Variants in DEPDC4 observed in about 807,000 individuals in gnomAD.
DEPDC4 encodes the protein DEP domain containing 4.
DEPDC4 carries 52 observed loss-of-function variants against 52.0 expected under a neutral mutation model. The observed-to-expected ratio is 1.00, with a 90% CI of 0.80 to 1.26. The LOEUF is 1.26. Among genes scored for constraint, DEPDC4 ranks in the 50% most tolerant of loss-of-function variants. The pLI is 0.00. For synonymous variants in DEPDC4, 201 were observed against 196.8 expected, an observed-to-expected ratio of 1.02 and a Z score of -0.18; for missense variants, 530 against 546.9, an observed-to-expected ratio of 0.97 and a Z score of 0.31.
downstream of DEPDC4, among the ~76,000 whole-genome samples, chr12:100,236,805 A>T (rs1009164357): frequency 2.0e-5 from 3 of 152,164 alleles, no homozygotes; most frequent in Middle Eastern, 3.2e-3. Flanking sequence ...TAGAATTTTC[A>T]AAGTTTCAGT....
the DEPDC4 span, among the ~76,000 whole-genome samples, chr12:100,276,275 A>G: frequency 6.6e-6 from 1 of 152,054 alleles, no homozygotes; most frequent in Admixed American, 6.5e-5. Flanking sequence ...TAGAATTAGA[A>G]TCTGTAGAAT....
chr12:100,261,531 G>C (rs1302740340), intron 3 of DEPDC4, among the ~76,000 whole-genome samples: 1 of 152,206 alleles, frequency 6.6e-6, no homozygotes, highest in African/African-American at 2.4e-5. Context: ...AAGGGAAAGA[G>C]TAGGAAGATG....
chr12:100,249,038 A>T, intron 7 of DEPDC4, 60 bp from the exon 8 acceptor site: 2 of 681,006 alleles, frequency 2.9e-6, no homozygotes, highest in Non-Finnish European at 3.6e-6. Context: ...CAGCATTTCA[A>T]CATAGAAAGA....
chr12:100,271,281 A>G (rs12230776), upstream of DEPDC4, among the ~76,000 whole-genome samples: 12,450 of 127,716 alleles, frequency 0.097, 1,091 homozygotes, highest in East Asian at 0.51. Flanking sequence ...AAAAAAAAAA[A>G]AGAGAGAGAG....
In DEPDC4 at chr12:100,267,052, G is replaced by A. The variant is rs1422980495; in HGVS notation, c.25C>T (p.Arg9Cys). The change falls in exon 1 of 10, where the codon CGC becomes TGC. Residue 9 changes from arginine to cysteine, a missense_variant. Physicochemically the swap from Arg to Cys is radical, Grantham distance 180. Transcript: ENST00000550587. The part of the protein sequence containing the change: MVPGEEPA[R>C]ELMAVLLTPR... ...GTCAAAAGAACCGCCATAAGCTCGC[G>A]CGCTGGCTCCTCCCCTGGCACCATA... 1.9e-6 allele frequency: 3 copies of A among 1,613,744 alleles called. No individual in the cohort carries two copies. Among genetic ancestry groups the A allele is most frequent in the Admixed American group, 3.3e-5 (2 of 59,930 alleles).
chr12:100,267,586 C>T (rs932725466), upstream of DEPDC4: 1 of 152,612 alleles, frequency 6.6e-6, no homozygotes, highest in African/African-American at 2.4e-5. Context: ...GGTCGGCGCC[C>T]GCGCAAAGCG....
At position 100,244,093 on chromosome 12, in the gene DEPDC4, G is replaced by GTATATATATATATATATA. The variant is rs775573664; in HGVS notation, c.1454-1525_1454-1524insTATATATATATATATATA. Among the ~76,000 whole-genome samples, 24 of 89,326 alleles carry GTATATATATATATATATA rather than the reference G, an allele frequency of 2.7e-4. 4 individuals are homozygous for GTATATATATATATATATA. The highest frequency in any genetic ancestry group is 9.8e-4 in the East Asian group (2 of 2,040). 58.6% of individuals were successfully genotyped at this position (89,326 alleles called of 152,430 possible). A position where few individuals can be genotyped will look rare whatever the true frequency, so the allele number is the denominator to read the frequency against. On this transcript the variant is annotated intron_variant, in intron 8 of 9. Coordinates refer to ENST00000550587, the MANE Select transcript of DEPDC4 (RefSeq NM_001364818.2). ...TCCCTCTCTCTCTCTCTCTCTCTCT[G>GTATATATATATATATATA]TGTATATATATATATATATATATAT...
At chr12:100,237,701 C>A (rs911907730), downstream of DEPDC4, 2 of 151,962 alleles carry the variant, frequency 1.3e-5, no homozygotes, top group African/African-American at 4.8e-5. Flanking sequence ...TATTATCTGG[C>A]CCAATCTTAA....
At position 100,256,884 on chromosome 12, in the gene DEPDC4, G is replaced by A. The variant is rs556883586; in HGVS notation, c.701-658C>T. On this transcript the variant is annotated intron_variant, in intron 3 of 9. Transcript: ENST00000550587. ...TCTCGATCTCCTGACCTAGTGATCC[G>A]CCCGCCTCGGCCTCCCAAAGTGCTG... 8.6e-5 allele frequency among the ~76,000 whole-genome samples: 13 copies of A among 151,822 alleles called. No homozygotes were observed. The East Asian group carries it at 1.6e-3, about 18-fold the overall frequency.
intron 3 of DEPDC4, 82 bp from the exon 4 acceptor site, chr12:100,256,308 C>A: frequency 2.0e-6 from 2 of 1,025,554 alleles, no homozygotes; most frequent in Non-Finnish European, 2.8e-6. Flanking sequence ...CGTTCTATTT[C>A]TAAATAATAC....
intron 7 of DEPDC4, among the ~76,000 whole-genome samples, chr12:100,251,716 C>T (rs931144801): frequency 7.2e-5 from 11 of 151,996 alleles, no homozygotes; most frequent in South Asian, 2.1e-4. Context: ...TACAGGCACG[C>T]GCCACCACAC....
intron 3 of DEPDC4, 139 bp downstream of exon 3, chr12:100,262,125 G>T: frequency 1.3e-6 from 1 of 742,770 alleles, no homozygotes; most frequent in Non-Finnish European, 2.1e-6. Flanking sequence ...AAGGTTGTGT[G>T]TGAGTGGAAG....
chr12:100,248,578 TGA>T (rs935231557), intron 8 of DEPDC4, among the ~76,000 whole-genome samples: 2 of 151,784 alleles, frequency 1.3e-5, no homozygotes, highest in African/African-American at 2.4e-5. Context: ...AAAAAGAATC[TGA>T]GAGAGTCAGA....
At chr12:100,235,703 T>G (rs777025230), downstream of DEPDC4, among the ~76,000 whole-genome samples, 2 of 152,134 alleles carry the variant, frequency 1.3e-5, no homozygotes, top group Admixed American at 1.3e-4. Flanking sequence ...GCCTCCCAAG[T>G]AGCTGGGATT....
In DEPDC4 at chr12:100,240,864, C is replaced by A. The variant is rs2096155845; in HGVS notation, c.*1028G>T. On this transcript the variant is annotated 3_prime_UTR_variant, in exon 10 of 10. Transcript: ENST00000550587. Reference sequence around the variant, plus strand: ...GGTCAGGAGTTCAAGACTAGCCTGGCCAACATGGCGAAACACTGTCTCTAC... The same window carrying A: ...GGTCAGGAGTTCAAGACTAGCCTGGACAACATGGCGAAACACTGTCTCTAC... 6.6e-6 allele frequency among the ~76,000 whole-genome samples: 1 copy of A among 152,094 alleles called. No homozygotes were observed. The highest frequency in any genetic ancestry group is 2.1e-4 in the South Asian group (1 of 4,828).
At chr12:100,250,855 T>C (rs1424290020) in intron 7 of DEPDC4, among the ~76,000 whole-genome samples, 1 of 152,154 alleles carries the variant, frequency 6.6e-6, no homozygotes, top group Non-Finnish European at 1.5e-5. Flanking sequence ...CTACCATCTA[T>C]TATTTATTTA....
chr12:100,273,096 T>C, the DEPDC4 span, among the ~76,000 whole-genome samples: 1 of 152,166 alleles, frequency 6.6e-6, no homozygotes, highest in African/African-American at 2.4e-5. Context: ...CTCTGCTTGA[T>C]AGAGTGATTG....
At chr12:100,254,369 AGGCTGGAGTACACT>A (rs2096222985) in intron 4 of DEPDC4, among the ~76,000 whole-genome samples, 2 of 122,312 alleles carry the variant, frequency 1.6e-5, no homozygotes, top group Admixed American at 2.2e-4. Context: ...TCTGTTGCCC[AGGCTGGAGTACACT>A]GGCATGATCT....
downstream of DEPDC4, among the ~76,000 whole-genome samples, chr12:100,235,072 T>TAC (rs1438936468): frequency 6.6e-6 from 1 of 151,340 alleles, no homozygotes; most frequent in African/African-American, 2.4e-5. Flanking sequence ...TGTGTATATA[T>TAC]ATATATGTAT....
Sources: allele counts gnomAD v4.1 joint callset (sites outside exome capture counted in the v4.1 genomes callset), GRCh38; gene constraint gnomAD v4.1.1; transcripts MANE v1.5; gene names NCBI Gene and HGNC (gene_info 2026-07-23, HGNC 2026-07-21).